Variants in MAST4 observed in about 807,000 individuals in gnomAD.
The protein encoded by MAST4 is microtubule associated serine/threonine kinase family member 4.
A neutral mutation model predicts 162.7 loss-of-function variants in MAST4; 89 were observed. That is an observed-to-expected ratio of 0.55 (90% CI 0.46 to 0.65). MAST4 has a LOEUF of 0.65. Ranked by LOEUF, MAST4 falls within the 30% of genes least tolerant of loss-of-function variation. MAST4 has a pLI of 0.00. For synonymous variants in MAST4, 1,479 were observed against 1,361.1 expected (o/e 1.09, Z -1.91); for missense variants, 3,153 against 3,374.0 (o/e 0.93, Z 1.62).
chr5:66,786,967 A>G (rs879302179), intron 2 of MAST4, among the ~76,000 whole-genome samples: 11 of 152,138 alleles, frequency 7.2e-5, no homozygotes, highest in Non-Finnish European at 1.3e-4. Flanking sequence ...TTTTTGCAAT[A>G]AAATATAGGT....
At chr5:66,678,842 A>G (rs529225087) in intron 1 of MAST4, among the ~76,000 whole-genome samples, 2 of 151,218 alleles carry the variant, frequency 1.3e-5, no homozygotes, top group Admixed American at 1.3e-4. Context: ...CCCAGGCTAG[A>G]GTGCAGTGGC....
intron 4 of MAST4, among the ~76,000 whole-genome samples, chr5:66,972,898 C>T (rs1747620249): frequency 6.6e-6 from 1 of 152,198 alleles, no homozygotes; most frequent in Admixed American, 6.5e-5. Flanking sequence ...AAGCATGTTC[C>T]TGTGTCAGGG....
At chr5:66,685,239 G>A (rs1278424467) in intron 1 of MAST4, among the ~76,000 whole-genome samples, 1 of 151,170 alleles carries the variant, frequency 6.6e-6, no homozygotes, top group Admixed American at 6.6e-5. Context: ...CTCCAGCCTG[G>A]GTGACAGAGT....
chr5:67,132,547 T>G (rs900025928), intron 16 of MAST4, among the ~76,000 whole-genome samples: 6 of 152,130 alleles, frequency 3.9e-5, no homozygotes, highest in Non-Finnish European at 8.8e-5. Context: ...TGATGTTACA[T>G]TCTATGTTAC....
chr5:66,951,521 G>A (rs1206459861), intron 4 of MAST4, among the ~76,000 whole-genome samples: 1 of 151,436 alleles, frequency 6.6e-6, no homozygotes, highest in African/African-American at 2.4e-5. Context: ...AGCCCCTTTT[G>A]TCATGTAAAA....
At chr5:66,886,589 A>G (rs562678538) in intron 3 of MAST4, among the ~76,000 whole-genome samples, 1 of 151,580 alleles carries the variant, frequency 6.6e-6, no homozygotes, top group South Asian at 2.1e-4. Flanking sequence ...TCCAGAATCA[A>G]CTATCAGTTT....
chr5:66,605,597 A>G (rs950947950), intron 1 of MAST4, among the ~76,000 whole-genome samples: 2 of 152,140 alleles, frequency 1.3e-5, no homozygotes, highest in Non-Finnish European at 2.9e-5. Context: ...TTTCCTTGGA[A>G]TTACTTGGTT....
chr5:67,069,881 A>AGTGTGTGTGTGTGTGTGT (rs200867949), intron 5 of MAST4, among the ~76,000 whole-genome samples: 6 of 142,666 alleles, frequency 4.2e-5, no homozygotes, highest in African/African-American at 1.6e-4. Flanking sequence ...TTTGAGAGAA[A>AGTGTGTGTGTGTGTGTGT]GTGTGTGTGT....
intron 5 of MAST4, among the ~76,000 whole-genome samples, chr5:67,063,458 T>A (rs77591491): frequency 0.019 from 2,951 of 152,318 alleles, 106 homozygotes; most frequent in African/African-American, 0.068. Flanking sequence ...CTAGTAATAA[T>A]TCAATGACAT....
intron 4 of MAST4, among the ~76,000 whole-genome samples, chr5:67,043,721 C>T (rs965665750): frequency 6.6e-6 from 1 of 152,062 alleles, no homozygotes; most frequent in Non-Finnish European, 1.5e-5. Flanking sequence ...AAGTTAAAAA[C>T]AAAAAACAAC....
chr5:66,918,524 C>G (rs932903181), intron 4 of MAST4, among the ~76,000 whole-genome samples: 2 of 152,040 alleles, frequency 1.3e-5, no homozygotes, highest in Non-Finnish European at 2.9e-5. Flanking sequence ...ATTGTTTTTA[C>G]TGACATTCTT....
chr5:66,691,683 G>A (rs925909484), intron 1 of MAST4, among the ~76,000 whole-genome samples: 1 of 152,094 alleles, frequency 6.6e-6, no homozygotes. Context: ...GGAAGGGCAG[G>A]CAAGGGACCT....
At chr5:66,985,846 G>T (rs1749420868) in intron 4 of MAST4, among the ~76,000 whole-genome samples, 1 of 152,190 alleles carries the variant, frequency 6.6e-6, no homozygotes, top group African/African-American at 2.4e-5. Context: ...GAAAACTCCA[G>T]CAGGTGGTAT....
At chr5:66,953,620 C>T (rs1018240742) in intron 4 of MAST4, among the ~76,000 whole-genome samples, 2 of 151,980 alleles carry the variant, frequency 1.3e-5, no homozygotes, top group Non-Finnish European at 2.9e-5. Context: ...AGTAATATTC[C>T]CCGAGAAGAA....
intron 1 of MAST4, among the ~76,000 whole-genome samples, chr5:66,623,328 G>A (rs1463000499): frequency 6.6e-6 from 1 of 152,146 alleles, no homozygotes; most frequent in Non-Finnish European, 1.5e-5. Flanking sequence ...GCCAGACAAA[G>A]ACACCACAAG....
chr5:67,078,911 A>AATAAATAAATATATATATAAT (rs1227485756), intron 5 of MAST4, among the ~76,000 whole-genome samples: 5 of 38,110 alleles, frequency 1.3e-4, no homozygotes, highest in Non-Finnish European at 2.2e-4. Context: ...TTTTTATATA[A>AATAAATAAATATATATATAAT]ATATATATAT....
At chr5:66,810,744 C>A (rs1171609307) in intron 3 of MAST4, among the ~76,000 whole-genome samples, 1 of 152,196 alleles carries the variant, frequency 6.6e-6, no homozygotes, top group African/African-American at 2.4e-5. Flanking sequence ...CCACTCCTCT[C>A]TGCAATTCTT....
intron 1 of MAST4, among the ~76,000 whole-genome samples, chr5:66,758,465 G>A (rs1753677946): frequency 6.6e-6 from 1 of 151,558 alleles, no homozygotes; most frequent in African/African-American, 2.4e-5. Context: ...TGCTCATGCT[G>A]GAGTGCAGTG....
At chr5:66,954,396 A>G (rs1745050757) in intron 4 of MAST4, among the ~76,000 whole-genome samples, 1 of 152,206 alleles carries the variant, frequency 6.6e-6, no homozygotes, top group Non-Finnish European at 1.5e-5. Flanking sequence ...TTAAACAATG[A>G]AAAATCTCCT....
Sources: gnomAD v4.1 joint callset for allele counts (sites outside exome capture counted in the v4.1 genomes callset) on GRCh38, gnomAD v4.1.1 for gene constraint, MANE v1.5 for transcripts, NCBI Gene and HGNC (gene_info 2026-07-23, HGNC 2026-07-21) for gene names.